The following MICU2 variants were observed in gnomAD, a reference collection of about 807,000 sequenced individuals.
MICU2 encodes calcium uptake protein 2, mitochondrial.
In MICU2, 64 loss-of-function variants were observed where a neutral mutation model predicts 60.4. The ratio of observed to expected loss-of-function variants is 1.06; its 90% CI spans 0.87 to 1.31. The LOEUF (loss-of-function observed/expected upper bound fraction) is 1.31. Among genes scored for constraint, MICU2 ranks in the 50% most tolerant of loss-of-function variants. The pLI, the probability that MICU2 is intolerant of heterozygous loss-of-function variation, is 0.00. For missense variants in MICU2, 569 were observed against 531.0 expected (o/e 1.07, Z -0.70); for synonymous variants, 201 against 175.0 (o/e 1.15, Z -1.17).
chr13:21,584,043 T>C (rs1888405775), intron 1 of MICU2, among the ~76,000 whole-genome samples: 1 of 152,244 alleles, frequency 6.6e-6, no homozygotes, highest in Admixed American at 6.5e-5. Context: ...GAACAGTTTG[T>C]AGAAACACAT....
chr13:21,594,268 A>T (rs1888645806), intron 1 of MICU2, among the ~76,000 whole-genome samples: 1 of 152,152 alleles, frequency 6.6e-6, no homozygotes, highest in Admixed American at 6.5e-5. Context: ...ACGGCCAACA[A>T]ACATGAAAAA....
intron 2 of MICU2, among the ~76,000 whole-genome samples, chr13:21,551,021 T>C (rs941282324): frequency 1.3e-5 from 2 of 152,186 alleles, no homozygotes; most frequent in African/African-American, 4.8e-5. Flanking sequence ...CAACGGGCCC[T>C]ACAATCTTTT....
intron 2 of MICU2, among the ~76,000 whole-genome samples, chr13:21,556,614 G>C (rs1255135188): frequency 6.6e-6 from 1 of 152,180 alleles, no homozygotes; most frequent in East Asian, 1.9e-4. Context: ...GATGGAACTA[G>C]AGAAGGGGGC....
At chr13:21,513,424 T>C (rs140446929) in intron 7 of MICU2, among the ~76,000 whole-genome samples, 2 of 152,150 alleles carry the variant, frequency 1.3e-5, no homozygotes, top group East Asian at 3.9e-4. Flanking sequence ...CCTGCCCTAT[T>C]TGTTTTAATG....
chr13:21,494,133 G>T (rs938899942), intron 11 of MICU2, among the ~76,000 whole-genome samples: 7 of 152,164 alleles, frequency 4.6e-5, no homozygotes, highest in East Asian at 1.9e-4. Flanking sequence ...ATTTATGGGT[G>T]TTGGATAACT....
intron 1 of MICU2, among the ~76,000 whole-genome samples, chr13:21,582,698 T>A (rs1489515936): frequency 6.6e-6 from 1 of 152,200 alleles, no homozygotes; most frequent in East Asian, 1.9e-4. Flanking sequence ...AATTTCCTGC[T>A]CTGCCATAAG....
At chr13:21,543,662 G>A (rs1008139859) in intron 2 of MICU2, among the ~76,000 whole-genome samples, 15 of 152,004 alleles carry the variant, frequency 9.9e-5, no homozygotes, top group African/African-American at 2.7e-4. Flanking sequence ...GAAAGAAACC[G>A]AGGAGGATAC....
At chr13:21,511,168 G>GAACT (rs771968545) in intron 7 of MICU2, among the ~76,000 whole-genome samples, 23 of 152,146 alleles carry the variant, frequency 1.5e-4, no homozygotes, top group Non-Finnish European at 3.4e-4. Flanking sequence ...TTAGACCAGG[G>GAACT]AACTCCCTTC....
intron 1 of MICU2, among the ~76,000 whole-genome samples, chr13:21,601,763 T>C (rs1888820553): frequency 6.6e-6 from 1 of 152,184 alleles, no homozygotes; most frequent in Non-Finnish European, 1.5e-5. Flanking sequence ...GCCTGAGTAG[T>C]GTCAGGTCAG....
intron 2 of MICU2, among the ~76,000 whole-genome samples, chr13:21,547,411 T>G (rs1383641234): frequency 6.6e-6 from 1 of 152,228 alleles, no homozygotes; most frequent in East Asian, 1.9e-4. Flanking sequence ...GTGAAATCTC[T>G]GATTATTCCA....
At chr13:21,582,919 C>T in intron 1 of MICU2, 2 of 176,998 alleles carry the variant, frequency 1.1e-5, no homozygotes, top group African/African-American at 2.4e-5. Context: ...AAGTACATTG[C>T]CTTGCTGAGA....
intron 1 of MICU2, among the ~76,000 whole-genome samples, chr13:21,585,867 T>C (rs1331824307): frequency 6.6e-6 from 1 of 152,204 alleles, no homozygotes; most frequent in East Asian, 1.9e-4. Flanking sequence ...GAGTTCAAAA[T>C]ATGAATTTAA....
At chr13:21,603,704 G>C (rs1888880159) in intron 1 of MICU2, 1 of 561,124 alleles carries the variant, frequency 1.8e-6, no homozygotes, top group East Asian at 3.2e-5. Context: ...CGTCCGCGGG[G>C]TTCTCCCAAG....
At chr13:21,535,866 G>A (rs1887117860) in intron 4 of MICU2, among the ~76,000 whole-genome samples, 2 of 152,126 alleles carry the variant, frequency 1.3e-5, no homozygotes, top group South Asian at 4.2e-4. Context: ...AATCCCATAA[G>A]GAAGGCATTA....
At chr13:21,555,032 C>T (rs1566158938) in intron 2 of MICU2, among the ~76,000 whole-genome samples, 1 of 152,180 alleles carries the variant, frequency 6.6e-6, no homozygotes, top group Non-Finnish European at 1.5e-5. Context: ...TAATTAATAT[C>T]TTACCAACCA....
rs371105998 is a variant in MICU2, at chr13:21,586,843, G to C, written c.210+17096C>G. ...CTAAATCTTTCTAGTATCAAGGTCA[G>C]CATAAATATACAAACATTTAAATAT... On this transcript the variant is annotated intron_variant, in intron 1 of 11. Transcript: ENST00000382374. Among the ~76,000 whole-genome samples, 6 of 152,280 alleles carry C rather than the reference G, an allele frequency of 3.9e-5. No homozygotes were observed. In the East Asian group the frequency reaches 9.6e-4, roughly 24 times the overall value.
intron 9 of MICU2, among the ~76,000 whole-genome samples, chr13:21,501,491 T>G (rs977668302): frequency 6.6e-6 from 1 of 152,168 alleles, no homozygotes; most frequent in Non-Finnish European, 1.5e-5. Flanking sequence ...CTTGATCTCC[T>G]GACCTCATGA....
intron 7 of MICU2, among the ~76,000 whole-genome samples, chr13:21,510,849 TGAATTCCTTAGGAG>T (rs955700921): frequency 1.4e-5 from 2 of 146,694 alleles, no homozygotes; most frequent in Admixed American, 6.6e-5. Context: ...ATTCATTTAA[TGAATTCCTTAGGAG>T]GAATTCATTA....
chr13:21,510,705 G>A (rs974581127), intron 7 of MICU2, among the ~76,000 whole-genome samples: 9 of 152,148 alleles, frequency 5.9e-5, no homozygotes, highest in African/African-American at 2.2e-4. Flanking sequence ...AGCAGTCAGA[G>A]AAACAGTAGA....
Sources: gnomAD v4.1 joint callset for allele counts (sites outside exome capture counted in the v4.1 genomes callset) on GRCh38, gnomAD v4.1.1 for gene constraint, MANE v1.5 for transcripts, NCBI Gene and HGNC (gene_info 2026-07-23, HGNC 2026-07-21) for gene names.